The following GALNT2 variants were observed in gnomAD, a reference collection of about 807,000 sequenced individuals.
GALNT2 encodes polypeptide N-acetylgalactosaminyltransferase 2, also known as UDP-GalNAc:polypeptide N-acetylgalactosaminyltransferase 2.
Under a neutral mutation model 81.4 loss-of-function variants are expected in GALNT2, and 31 were observed. The ratio of observed to expected loss-of-function variants is 0.38; its 90% confidence interval spans 0.29 to 0.51. GALNT2 has a LOEUF of 0.51. Among genes scored for constraint, GALNT2 ranks in the 20% least tolerant of loss-of-function variants. The pLI is 0.87. For synonymous variants in GALNT2, 303 were observed against 287.4 expected (o/e 1.05, Z -0.55); for missense variants, 629 against 765.7 (o/e 0.82, Z 2.11).
rs148241786 is a variant in GALNT2, at chr1:230,220,771, A to G, written c.375-15243A>G. The stretch of plus-strand genomic sequence containing the variant: ...GGCTTAATCAGACCCGCCCTAAGGA[A>G]ATCATGGTATGATGTGACGGTGATG... On this transcript the variant is annotated intron_variant, in intron 3 of 15. Transcript: ENST00000366672. Among the ~76,000 whole-genome samples the G allele has an allele frequency of 2.9e-3, 446 of 152,254 alleles. 2 individuals carry two copies. Among genetic ancestry groups the G allele is most frequent in the African/African-American group, 0.01 (426 of 41,552 alleles).
chr1:230,064,818 G>A (rs1003077372), upstream of GALNT2, among the ~76,000 whole-genome samples: 3 of 152,162 alleles, frequency 2.0e-5, no homozygotes, highest in African/African-American at 7.2e-5. Flanking sequence ...AGCCTGCCTG[G>A]CACTTTTGTT....
At chr1:230,186,783 CCT>C (rs1209902976) in intron 2 of GALNT2, among the ~76,000 whole-genome samples, 10 of 152,192 alleles carry the variant, frequency 6.6e-5, no homozygotes, top group Non-Finnish European at 7.3e-5. Flanking sequence ...TACTGATTTG[CCT>C]CTCTTTTGAG....
At chr1:230,229,675 T>C (rs1019591632) in intron 3 of GALNT2, among the ~76,000 whole-genome samples, 6 of 152,204 alleles carry the variant, frequency 3.9e-5, no homozygotes, top group African/African-American at 1.4e-4. Flanking sequence ...AGAAAAGGGA[T>C]GACGTGTGGT....
At chr1:230,071,091 G>A (rs1210247148) in intron 1 of GALNT2, among the ~76,000 whole-genome samples, 1 of 152,062 alleles carries the variant, frequency 6.6e-6, no homozygotes, top group African/African-American at 2.4e-5. Context: ...CTCTAAAAGA[G>A]GAAAATGAAA....
intron 1 of GALNT2, among the ~76,000 whole-genome samples, chr1:230,172,196 G>A (rs1206042355): frequency 1.3e-5 from 2 of 152,128 alleles, no homozygotes; most frequent in East Asian, 3.8e-4. Flanking sequence ...AGGCATCACC[G>A]TGTTTCCCTT....
At chr1:230,076,629 A>T (rs1361094976) in intron 1 of GALNT2, among the ~76,000 whole-genome samples, 1 of 152,070 alleles carries the variant, frequency 6.6e-6, no homozygotes, top group Non-Finnish European at 1.5e-5. Flanking sequence ...AATCTCAGGG[A>T]GGCGGAACTG....
chr1:230,201,028 G>A (rs905869972), intron 2 of GALNT2, among the ~76,000 whole-genome samples: 6 of 152,200 alleles, frequency 3.9e-5, no homozygotes, highest in Non-Finnish European at 7.3e-5. Context: ...GAAGCTGCTC[G>A]CTCTTGAGCG....
intron 1 of GALNT2, among the ~76,000 whole-genome samples, chr1:230,116,936 CT>C (rs1192411351): frequency 6.6e-6 from 1 of 152,218 alleles, no homozygotes; most frequent in Non-Finnish European, 1.5e-5. Flanking sequence ...TCAGACTGTC[CT>C]TTGAGGCTTT....
At chr1:230,118,829 A>G (rs1660929417) in intron 1 of GALNT2, among the ~76,000 whole-genome samples, 1 of 152,066 alleles carries the variant, frequency 6.6e-6, no homozygotes, top group African/African-American at 2.4e-5. Flanking sequence ...AAAAAAAGTT[A>G]TTATAGTAAA....
In GALNT2 at chr1:230,187,104, G is replaced by A. The variant is rs563351727; in HGVS notation, c.220+8793G>A. ...ATGTAGCAGTTGTAGACAGATGGGC[G>A]GGAAGACATGACACCAAGCTGGATG... is the stretch of plus-strand genomic sequence containing the variant. On this transcript the variant is annotated intron_variant, in intron 2 of 15. Transcript: ENST00000366672. 5.3e-5 allele frequency among the ~76,000 whole-genome samples: 8 copies of A among 152,218 alleles called. No homozygotes were observed. In the East Asian group the frequency reaches 5.8e-4, roughly 11 times the overall value.
chr1:230,141,788 CTTTT>C (rs60824749), intron 1 of GALNT2, among the ~76,000 whole-genome samples: 20,966 of 101,040 alleles, frequency 0.21, 1,442 homozygotes, highest in Middle Eastern at 0.31. Flanking sequence ...TTTTGTTTTC[CTTTT>C]TTTTTTTTTT....
intron 1 of GALNT2, among the ~76,000 whole-genome samples, chr1:230,154,712 G>C (rs1225906281): frequency 2.0e-5 from 3 of 152,134 alleles, no homozygotes; most frequent in Non-Finnish European, 2.9e-5. Flanking sequence ...CTAAGCCAAG[G>C]AGAGAGGCCT....
intron 1 of GALNT2, among the ~76,000 whole-genome samples, chr1:230,151,248 C>T (rs753396775): frequency 1.1e-4 from 16 of 152,178 alleles, no homozygotes; most frequent in Non-Finnish European, 1.8e-4. Flanking sequence ...GAGGGAAGGC[C>T]CCTGGAGAAG....
chr1:230,262,696 C>T, intron 12 of GALNT2, 31 bp downstream of exon 12: 4 of 928,572 alleles, frequency 4.3e-6, no homozygotes, highest in South Asian at 1.3e-5. Flanking sequence ...CTCACAATTA[C>T]TGGGGATTCT....
At chr1:230,260,940 A>G (rs977348816) in intron 11 of GALNT2, among the ~76,000 whole-genome samples, 1 of 152,176 alleles carries the variant, frequency 6.6e-6, no homozygotes, top group Non-Finnish European at 1.5e-5. Flanking sequence ...CATATCCACT[A>G]TATGCAATTC....
Position 230,134,795 on chromosome 1 carries a change from C to T in GALNT2, c.127-43423C>T, listed in dbSNP as rs117302434. 6.6e-5 allele frequency among the ~76,000 whole-genome samples: 10 copies of T among 152,290 alleles called. No individual in the cohort carries two copies. The East Asian group carries it at 1.4e-3, about 21-fold the overall frequency. ...GGGGCAAGCCCACCAGCATCTCTCC[C>T]GTGTCATCTGCACTTCAGTATTGGA... On this transcript the variant is annotated intron_variant, in intron 1 of 15. Transcript: ENST00000366672.
At chr1:230,265,205 T>A in intron 13 of GALNT2, 36 bp from the exon 14 acceptor site, 1 of 1,613,830 alleles carries the variant, frequency 6.2e-7, no homozygotes, top group Non-Finnish European at 8.5e-7. Flanking sequence ...GGTGGTCATG[T>A]GCAGTGAAGC....
intron 6 of GALNT2, among the ~76,000 whole-genome samples, chr1:230,238,334 A>G (rs1665094133): frequency 6.6e-6 from 1 of 152,220 alleles, no homozygotes; most frequent in African/African-American, 2.4e-5. Flanking sequence ...GCAATTTATT[A>G]GAAGCACCTA....
At position 230,191,189 on chromosome 1, in the gene GALNT2, C is replaced by T. The variant is rs142928517; in HGVS notation, c.221-11948C>T. Reference sequence around the variant, plus strand: ...GAAATACAGTGTCTAGAAGCAGTCACGTGACATCCAGTGTTCTCTGGGCTC... The same window carrying T: ...GAAATACAGTGTCTAGAAGCAGTCATGTGACATCCAGTGTTCTCTGGGCTC... On this transcript the variant is annotated intron_variant, in intron 2 of 15. Transcript: ENST00000366672. 3.9e-4 allele frequency among the ~76,000 whole-genome samples: 60 copies of T among 152,324 alleles called. No individual in the cohort carries two copies. In the East Asian group the frequency reaches 6.6e-3, roughly 17 times the overall value.
Sources: allele counts gnomAD v4.1 joint callset (sites outside exome capture counted in the v4.1 genomes callset), GRCh38; gene constraint gnomAD v4.1.1; transcripts MANE v1.5; gene names NCBI Gene and HGNC (gene_info 2026-07-23, HGNC 2026-07-21).